EYA1: variants seen among roughly 807,000 people sequenced by gnomAD.
The protein encoded by EYA1 is protein phosphatase EYA1.
In EYA1, 16 loss-of-function variants were observed where a neutral mutation model predicts 82.0. The observed-to-expected ratio is 0.20, with a 90% CI of 0.13 to 0.30. The LOEUF (loss-of-function observed/expected upper bound fraction) is 0.30. Ranked by LOEUF, EYA1 falls within the 10% of genes least tolerant of loss-of-function variation. The probability of loss-of-function intolerance (pLI) is 1.00; values close to 1 mark genes in which losing one functional copy is unlikely to be tolerated. For synonymous variants in EYA1, 261 were observed against 264.4 expected (o/e 0.99, Z 0.12); for missense variants, 633 against 730.7 (o/e 0.87, Z 1.54).
At chr8:71,233,369 CCTGG>C (rs1169750138) in intron 12 of EYA1, among the ~76,000 whole-genome samples, 1 of 151,936 alleles carries the variant, frequency 6.6e-6, no homozygotes, top group East Asian at 1.9e-4. Context: ...TCGAGACCAT[CCTGG>C]CTAACACAGT....
chr8:71,376,563 T>C (rs1316988294), intron 2 of EYA1, among the ~76,000 whole-genome samples: 4 of 152,038 alleles, frequency 2.6e-5, no homozygotes, highest in Non-Finnish European at 5.9e-5. Flanking sequence ...GTGAAAGGAG[T>C]GTAATCTGAC....
At position 71,241,467 on chromosome 8, in the gene EYA1, G is replaced by C. The variant is rs10102250; in HGVS notation, c.1140+3136C>G. ...ATGTTACTGAAAGCCCCTCACAGAG[G>C]GGGTGTATTTCACTAGTCAGAATGT... On this transcript the variant is annotated intron_variant, in intron 12 of 17. Transcript: ENST00000340726. Among the ~76,000 whole-genome samples the C allele has an allele frequency of 3.5e-3, 539 of 152,154 alleles. 5 individuals carry two copies. Among genetic ancestry groups the C allele is most frequent in the African/African-American group, 0.013 (522 of 41,510 alleles).
intron 2 of EYA1, among the ~76,000 whole-genome samples, chr8:71,492,355 AAT>A (rs1811064961): frequency 6.6e-6 from 1 of 152,188 alleles, no homozygotes; most frequent in Non-Finnish European, 1.5e-5. Context: ...ATGGACTAAG[AAT>A]AGGGAGAAGA....
intron 11 of EYA1, among the ~76,000 whole-genome samples, chr8:71,246,305 T>G (rs1003795781): frequency 6.6e-6 from 1 of 152,214 alleles, no homozygotes; most frequent in Non-Finnish European, 1.5e-5. Flanking sequence ...ACCAGGGGGA[T>G]TGTAAGCAGA....
chr8:71,319,131 T>C (rs1023463358), intron 6 of EYA1, among the ~76,000 whole-genome samples: 3 of 133,996 alleles, frequency 2.2e-5, no homozygotes, highest in Non-Finnish European at 3.1e-5. Context: ...CAATAATTCA[T>C]GTATTTTTTT....
At chr8:71,431,649 T>C (rs1195634957) in intron 2 of EYA1, among the ~76,000 whole-genome samples, 2 of 152,128 alleles carry the variant, frequency 1.3e-5, no homozygotes, top group East Asian at 1.9e-4. Flanking sequence ...CTTTAACCAT[T>C]CCTCCCTTCT....
At chr8:71,256,975 G>A (rs1260747204) in intron 11 of EYA1, among the ~76,000 whole-genome samples, 1 of 151,264 alleles carries the variant, frequency 6.6e-6, no homozygotes, top group East Asian at 1.9e-4. Context: ...CTCCAGCCTG[G>A]GCAACAAGAA....
chr8:71,533,715 G>T (rs1432024143), intron 2 of EYA1, among the ~76,000 whole-genome samples: 2 of 152,182 alleles, frequency 1.3e-5, no homozygotes, highest in African/African-American at 4.8e-5. Flanking sequence ...AGCCCGAGGA[G>T]CTCACCCAAG....
upstream of EYA1, among the ~76,000 whole-genome samples, chr8:71,363,341 G>A (rs1326297232): frequency 6.6e-6 from 1 of 152,068 alleles, no homozygotes; most frequent in Non-Finnish European, 1.5e-5. Flanking sequence ...ATAAAAAGCT[G>A]CTAATGACCA....
chr8:71,216,995 A>G lies in EYA1; in HGVS notation c.1169T>C (p.Val390Ala), dbSNP rs762034700. 15 of 1,613,798 alleles carry G rather than the reference A, an allele frequency of 9.3e-6. No individual in the cohort carries two copies. The highest frequency in any genetic ancestry group is 1.3e-5 in the Non-Finnish European group (15 of 1,179,646). ...GTCCTGTCCGTTATCATCTGAAGAA[A>G]CATCATCTATATGGACTTGGTCACA... is the stretch of plus-strand genomic sequence containing the variant. ...EECDQVHIDD[V>A]SSDDNGQDLS... Residue 390 changes from valine to alanine, a missense_variant, in exon 13 of 18, where the codon GTT becomes GCT. Val to Ala is a moderately conservative substitution (Grantham distance 64, BLOSUM62 0). Transcript: ENST00000340726.
chr8:71,523,451 T>C (rs564161518), intron 2 of EYA1, among the ~76,000 whole-genome samples: 275 of 152,288 alleles, frequency 1.8e-3, no homozygotes, highest in African/African-American at 6.4e-3. Context: ...GTGCTGGGAT[T>C]ACAGGCGTGA....
chr8:71,401,310 C>G (rs953490772), intron 2 of EYA1, among the ~76,000 whole-genome samples: 1 of 152,174 alleles, frequency 6.6e-6, no homozygotes, highest in African/African-American at 2.4e-5. Context: ...AAAAATCAGA[C>G]ACAGCAAGAG....
At chr8:71,402,050 T>C (rs973041162) in intron 2 of EYA1, among the ~76,000 whole-genome samples, 1 of 152,138 alleles carries the variant, frequency 6.6e-6, no homozygotes, top group African/African-American at 2.4e-5. Context: ...CAAGTAAAGG[T>C]CTCTTCCCAC....
chr8:71,399,856 A>G (rs1026933829), intron 2 of EYA1, among the ~76,000 whole-genome samples: 4 of 152,182 alleles, frequency 2.6e-5, no homozygotes, highest in Admixed American at 2.6e-4. Context: ...TCCTAAGCAA[A>G]AAGAACAAAG....
At chr8:71,241,051 A>T (rs537339128) in intron 12 of EYA1, among the ~76,000 whole-genome samples, 13 of 152,346 alleles carry the variant, frequency 8.5e-5, no homozygotes, top group Admixed American at 3.3e-4. Context: ...CGTTAGTCAG[A>T]CTTAGAAATA....
Position 71,299,727 on chromosome 8 carries a change from C to A in EYA1, c.557-7G>T, listed in dbSNP as rs1363669507. 1 of 1,411,180 alleles carries A rather than the reference C, an allele frequency of 7.1e-7. No homozygotes were observed. The highest frequency in any genetic ancestry group is 1.0e-6 in the Non-Finnish European group (1 of 997,412). 87.4% of individuals were successfully genotyped at this position (1,411,180 alleles called of 1,614,324 possible). ...GATGTTGTAAAACTGCTACCTAAAA[C>A]AAAATGAAAAGAAATACGATTATAC... On this transcript the variant is annotated splice_polypyrimidine_tract_variant and splice_region_variant and intron_variant, in intron 7 of 17. Transcript: ENST00000340726.
intron 4 of EYA1, among the ~76,000 whole-genome samples, chr8:71,323,587 G>C (rs895384151): frequency 6.6e-6 from 1 of 152,158 alleles, no homozygotes; most frequent in Non-Finnish European, 1.5e-5. Context: ...TACCACTCTT[G>C]CAAGCTCCCA....
At chr8:71,475,964 T>C (rs1374065206) in intron 2 of EYA1, among the ~76,000 whole-genome samples, 1 of 152,174 alleles carries the variant, frequency 6.6e-6, no homozygotes, top group Non-Finnish European at 1.5e-5. Context: ...AAATTGCATT[T>C]CCTAATTTAA....
At chr8:71,366,125 A>G (rs1445247404), upstream of EYA1, among the ~76,000 whole-genome samples, 1 of 151,728 alleles carries the variant, frequency 6.6e-6, no homozygotes, top group Non-Finnish European at 1.5e-5. Flanking sequence ...TTGTTATCCT[A>G]TGTAGTAATG....
Sources: allele counts gnomAD v4.1 joint callset (sites outside exome capture counted in the v4.1 genomes callset), GRCh38; gene constraint gnomAD v4.1.1; transcripts MANE v1.5; gene names NCBI Gene and HGNC (gene_info 2026-07-23, HGNC 2026-07-21).